Variants in DENND4C observed in about 807,000 individuals in gnomAD.
The protein encoded by DENND4C is DENN domain containing 4C.
A neutral mutation model predicts 203.0 loss-of-function variants in DENND4C; 108 were observed. The ratio of observed to expected loss-of-function variants is 0.53; its 90% CI spans 0.46 to 0.62. The LOEUF is 0.62. Ranked by LOEUF, DENND4C falls within the 20% of genes least tolerant of loss-of-function variation. The pLI, the probability that DENND4C is intolerant of heterozygous loss-of-function variation, is 0.00. For missense variants in DENND4C, 2,481 were observed against 2,301.2 expected (o/e 1.08, Z -1.60); for synonymous variants, 871 against 792.4 (o/e 1.10, Z -1.67).
intron 1 of DENND4C, among the ~76,000 whole-genome samples, chr9:19,255,792 C>T (rs1421358201): frequency 6.6e-6 from 1 of 152,170 alleles, no homozygotes; most frequent in African/African-American, 2.4e-5. Flanking sequence ...TAATGCCATT[C>T]TCGTACTAGT....
chr9:19,261,052 G>A (rs1829226324), intron 1 of DENND4C, among the ~76,000 whole-genome samples: 1 of 152,072 alleles, frequency 6.6e-6, no homozygotes, highest in Non-Finnish European at 1.5e-5. Flanking sequence ...GTGAGAAATA[G>A]GGATCTAGTT....
intron 30 of DENND4C, among the ~76,000 whole-genome samples, chr9:19,366,862 T>C (rs1479349923): frequency 6.6e-6 from 1 of 152,154 alleles, no homozygotes; most frequent in Non-Finnish European, 1.5e-5. Context: ...AAGTTGGATT[T>C]AGTCAAAAGA....
intron 20 of DENND4C, 94 bp downstream of exon 20, chr9:19,336,926 T>C: frequency 8.2e-7 from 1 of 1,212,272 alleles, no homozygotes; most frequent in South Asian, 1.5e-5. Context: ...GTTTGTGTGA[T>C]ATGACTACTT....
intron 2 of DENND4C, among the ~76,000 whole-genome samples, chr9:19,281,095 A>G (rs1384962857): frequency 6.6e-6 from 1 of 152,156 alleles, no homozygotes; most frequent in African/African-American, 2.4e-5. Context: ...CCTCCCATAC[A>G]GTCATGACTG....
intron 1 of DENND4C, among the ~76,000 whole-genome samples, chr9:19,250,575 A>G (rs10757041): frequency 0.5 from 76,068 of 151,778 alleles, 19,823 homozygotes; most frequent in South Asian, 0.59. Context: ...CCACAGTCCA[A>G]AGTCTCATCT....
intron 4 of DENND4C, among the ~76,000 whole-genome samples, 197 bp downstream of exon 4, chr9:19,288,862 A>G (rs1363597198): frequency 6.6e-6 from 1 of 152,218 alleles, no homozygotes; most frequent in African/African-American, 2.4e-5. Context: ...CCCACCAAAC[A>G]TGCTGTTAAT....
intron 1 of DENND4C, among the ~76,000 whole-genome samples, chr9:19,234,028 A>C (rs946261179): frequency 6.6e-6 from 1 of 152,180 alleles, no homozygotes; most frequent in Admixed American, 6.5e-5. Context: ...ATAATATTCT[A>C]ATCCTGTCTG....
At chr9:19,357,226 G>C in intron 27 of DENND4C, 72 bp downstream of exon 27, 1 of 1,471,932 alleles carries the variant, frequency 6.8e-7, no homozygotes, top group Non-Finnish European at 9.4e-7. Context: ...TGTCTCTAAA[G>C]ACAACCTGAC....
At chr9:19,264,336 G>T (rs189403933) in intron 1 of DENND4C, among the ~76,000 whole-genome samples, 13 of 151,624 alleles carry the variant, frequency 8.6e-5, no homozygotes, top group Non-Finnish European at 1.8e-4. Context: ...GTCTCACCCT[G>T]TTATCCAGGC....
chr9:19,234,535 T>TTG (rs1821403080), intron 1 of DENND4C, among the ~76,000 whole-genome samples: 1 of 148,478 alleles, frequency 6.7e-6, no homozygotes, highest in African/African-American at 2.5e-5. Context: ...TGGCTGTTTT[T>TTG]TTTTTTTTTT....
intron 10 of DENND4C, among the ~76,000 whole-genome samples, chr9:19,306,248 T>C (rs540171041): frequency 6.6e-6 from 1 of 152,166 alleles, no homozygotes; most frequent in South Asian, 2.1e-4. Context: ...TGGTAGAAAA[T>C]GAAGAGAGAA....
intron 13 of DENND4C, 103 bp downstream of exon 13, chr9:19,324,610 T>A (rs1382876786): frequency 1.6e-6 from 2 of 1,222,694 alleles, no homozygotes; most frequent in Admixed American, 2.3e-5. Context: ...GAAAACAGAG[T>A]AGGGTTGTGT....
chr9:19,350,753 T>C lies in DENND4C; in HGVS notation c.4369T>C (p.Leu1457=). The part of the protein sequence containing the change: ...SFPAGLEDHI[L]GENISPNTSI... ...CCCAGCTGGCCTAGAAGACCATATT[T>C]TGGGGGAGAATATATCGCCTAACAC... The change falls in exon 24 of 33, where the codon TTG becomes CTG. Residue 1457 remains leucine, a synonymous_variant. Transcript: ENST00000434457. 6.2e-7 allele frequency: 1 copy of C among 1,613,932 alleles called. No homozygotes were observed. Among genetic ancestry groups the C allele is most frequent in the Admixed American group, 1.7e-5 (1 of 59,990 alleles).
upstream of DENND4C, chr9:19,230,612 G>C (rs970418676): frequency 2.0e-5 from 3 of 152,122 alleles, no homozygotes; most frequent in African/African-American, 7.2e-5. Context: ...GGAGGCACCC[G>C]CGCGGGCCAG....
rs576417419 is a variant in DENND4C at position 19,336,869 on chromosome 9, T to A, written c.2881+37T>A. The A allele has an allele frequency of 2.0e-6, 3 of 1,526,488 alleles. No homozygotes were observed. In the Admixed American group the frequency reaches 6.3e-5, roughly 32 times the overall value. The allele number at this position is 1,526,488 out of a possible 1,614,324, so 94.6% of individuals were successfully genotyped here. A position where few individuals can be genotyped will look rare whatever the true frequency, so the allele number is the denominator to read the frequency against. On this transcript the variant is annotated intron_variant, in intron 20 of 32. Coordinates refer to ENST00000434457, the MANE Select transcript of DENND4C (RefSeq NM_001330640.2). Reference sequence around the variant, plus strand: ...CAGATTTTACTAACCCTTCACTTACTCTCATGTTAAATCTTTCCTTTTTCA... The same window carrying A: ...CAGATTTTACTAACCCTTCACTTACACTCATGTTAAATCTTTCCTTTTTCA...
chr9:19,324,590 GT>G, intron 13 of DENND4C, 83 bp downstream of exon 13: 2 of 1,401,604 alleles, frequency 1.4e-6, no homozygotes, highest in Non-Finnish European at 2.0e-6. Flanking sequence ...TTAGTCTAGA[GT>G]GATATAAGGA....
chr9:19,312,830 T>C (rs1426690503), intron 10 of DENND4C, among the ~76,000 whole-genome samples: 2 of 152,246 alleles, frequency 1.3e-5, no homozygotes, highest in Non-Finnish European at 2.9e-5. Flanking sequence ...ATGCTCTTTT[T>C]GTTAGTTTGT....
rs541234589 is a variant in DENND4C at position 19,287,206 on chromosome 9, A to G, written c.558+185A>G. On this transcript the variant is annotated intron_variant, in intron 3 of 32. Transcript: ENST00000434457. ...CTATCCCATGATTTATAATAATTTC[A>G]TCTTTAAGTCAGGGATATTTTTGAG... Among the ~76,000 whole-genome samples the G allele has an allele frequency of 6.6e-5, 10 of 152,228 alleles. No homozygotes were observed. In the East Asian group the frequency reaches 1.7e-3, roughly 26 times the overall value.
chr9:19,352,749 G>GCT (rs1824442031), intron 26 of DENND4C, 84 bp downstream of exon 26: 3 of 1,102,302 alleles, frequency 2.7e-6, no homozygotes, highest in Non-Finnish European at 3.7e-6. Flanking sequence ...TTCCTGGTAT[G>GCT]CTCCAGGTCT....
Sources: allele counts gnomAD v4.1 joint callset (sites outside exome capture counted in the v4.1 genomes callset), GRCh38; gene constraint gnomAD v4.1.1; transcripts MANE v1.5; gene names NCBI Gene and HGNC (gene_info 2026-07-23, HGNC 2026-07-21).